ASPRV1: variants seen among roughly 807,000 people sequenced by gnomAD.
ASPRV1 encodes the protein retroviral-like aspartic protease 1.
A neutral mutation model predicts 11.0 loss-of-function variants in ASPRV1; 7 were observed. That is an observed-to-expected ratio of 0.64 (90% confidence interval 0.36 to 1.20). The LOEUF (loss-of-function observed/expected upper bound fraction) is 1.20, where lower values mean the gene tolerates loss of function less well. Ranked by LOEUF, ASPRV1 falls within the 50% of genes most tolerant of loss-of-function variation. ASPRV1 has a pLI of 0.02. For missense variants in ASPRV1, 299 were observed against 320.0 expected, an observed-to-expected ratio of 0.93 and a Z score of 0.50; for synonymous variants, 136 against 138.4, an observed-to-expected ratio of 0.98 and a Z score of 0.12.
chr2:70,042,253 G>A, the ASPRV1 span, among the ~76,000 whole-genome samples: 1 of 152,148 alleles, frequency 6.6e-6, no homozygotes, highest in South Asian at 2.1e-4. Context: ...ACAAAGCTAA[G>A]AGCCTTGTTC....
chr2:70,027,372 T>C, the ASPRV1 span, among the ~76,000 whole-genome samples: 11 of 149,572 alleles, frequency 7.4e-5, no homozygotes, highest in African/African-American at 2.7e-4. Context: ...ATATCTACCA[T>C]ATGATCCAGC....
At chr2:69,964,288 G>C (rs1266402160), upstream of ASPRV1, 3 of 443,208 alleles carry the variant, frequency 6.8e-6, no homozygotes, top group South Asian at 1.6e-5. Context: ...GCTTGAGGCA[G>C]ATGGCCCTTC....
the ASPRV1 span, among the ~76,000 whole-genome samples, chr2:70,082,887 T>C: frequency 2.0e-5 from 3 of 151,976 alleles, no homozygotes; most frequent in Non-Finnish European, 4.4e-5. Context: ...GAGCAAGACC[T>C]TCTCTCAAAA....
At chr2:70,080,072 A>C in the ASPRV1 span, among the ~76,000 whole-genome samples, 2 of 152,174 alleles carry the variant, frequency 1.3e-5, no homozygotes, top group Admixed American at 1.3e-4. Context: ...ATAAAGTAGC[A>C]ATCATTCTTG....
At chr2:69,983,673 G>A in the ASPRV1 span, among the ~76,000 whole-genome samples, 1 of 152,318 alleles carries the variant, frequency 6.6e-6, no homozygotes, top group African/African-American at 2.4e-5. Context: ...AATGAGGGCT[G>A]ACCTGGAGGG....
chr2:69,938,851 C>G, the ASPRV1 span: 1 of 152,920 alleles, frequency 6.5e-6, no homozygotes, highest in Non-Finnish European at 1.5e-5. Flanking sequence ...CTCATTCCCC[C>G]GACGCGCCGC....
the ASPRV1 span, among the ~76,000 whole-genome samples, chr2:69,986,609 G>T: frequency 9.9e-5 from 15 of 152,238 alleles, no homozygotes; most frequent in Admixed American, 7.2e-4. Context: ...CACAGGCGCT[G>T]CCCTGGGTTC....
the ASPRV1 span, chr2:69,993,584 T>C: frequency 1.3e-5 from 2 of 152,198 alleles, no homozygotes; most frequent in Non-Finnish European, 2.9e-5. Context: ...CAGCATCTTA[T>C]TCATCCAGAG....
chr2:69,956,805 T>C (rs1202563770), downstream of ASPRV1, among the ~76,000 whole-genome samples: 3 of 152,180 alleles, frequency 2.0e-5, no homozygotes, highest in East Asian at 3.8e-4. Flanking sequence ...TGCCTCCTGA[T>C]ACGATGTACT....
the ASPRV1 span, among the ~76,000 whole-genome samples, chr2:70,024,185 A>T: frequency 6.6e-6 from 1 of 152,272 alleles, no homozygotes; most frequent in South Asian, 2.1e-4. Flanking sequence ...TGAAAAATTT[A>T]TTCCAATAAT....
the ASPRV1 span, among the ~76,000 whole-genome samples, chr2:69,983,345 GT>G: frequency 6.6e-6 from 1 of 152,240 alleles, no homozygotes; most frequent in Admixed American, 6.5e-5. Context: ...AGAAGAGCTG[GT>G]TTTGAAAAGG....
the ASPRV1 span, chr2:70,056,067 T>C: frequency 6.6e-6 from 1 of 152,212 alleles, no homozygotes; most frequent in African/African-American, 2.4e-5. Flanking sequence ...TAACACATTA[T>C]GCTAAGTAAA....
At chr2:70,053,977 T>G in the ASPRV1 span, 15 of 152,244 alleles carry the variant, frequency 9.9e-5, no homozygotes, top group Admixed American at 2.0e-4. Flanking sequence ...AGATGCCTCC[T>G]GCCTTCAAAA....
At chr2:70,082,566 C>T in the ASPRV1 span, among the ~76,000 whole-genome samples, 8 of 152,052 alleles carry the variant, frequency 5.3e-5, no homozygotes, top group African/African-American at 1.9e-4. Flanking sequence ...CACAATCAGC[C>T]GGGTGTGGCG....
chr2:70,062,619 A>C, the ASPRV1 span, among the ~76,000 whole-genome samples: 138 of 152,286 alleles, frequency 9.1e-4, no homozygotes, highest in Non-Finnish European at 1.6e-3. Context: ...CAAGCTGGGC[A>C]TTAAGTAATC....
the ASPRV1 span, among the ~76,000 whole-genome samples, chr2:70,026,820 C>G: frequency 1.3e-4 from 20 of 152,146 alleles, no homozygotes; most frequent in African/African-American, 4.8e-4. Context: ...AAAATACCAA[C>G]GACATTCTTC....
At chr2:69,985,925 T>C in the ASPRV1 span, among the ~76,000 whole-genome samples, 3 of 152,184 alleles carry the variant, frequency 2.0e-5, no homozygotes, top group Admixed American at 6.5e-5. Context: ...CGTCTCGGCA[T>C]TGTGCAATCA....
At chr2:69,961,781 C>T (rs1433657500), upstream of ASPRV1, 28 of 1,389,336 alleles carry the variant, frequency 2.0e-5, no homozygotes, top group Non-Finnish European at 2.5e-5. Context: ...CCCTCTGCAT[C>T]CATCCTTGGA....
chr2:70,028,918 G>C, the ASPRV1 span, among the ~76,000 whole-genome samples: 1 of 151,952 alleles, frequency 6.6e-6, no homozygotes, highest in Admixed American at 6.5e-5. Context: ...CTCCAGCCTG[G>C]GCGACAGAGA....
Sources: allele counts gnomAD v4.1 joint callset (sites outside exome capture counted in the v4.1 genomes callset), GRCh38; gene constraint gnomAD v4.1.1; transcripts MANE v1.5; gene names NCBI Gene and HGNC (gene_info 2026-07-23, HGNC 2026-07-21).